Variants in AGBL4 observed in about 807,000 individuals in gnomAD.
The protein encoded by AGBL4 is cytosolic carboxypeptidase 6.
Under a neutral mutation model 66.4 loss-of-function variants are expected in AGBL4, and 58 were observed. The observed-to-expected ratio is 0.87, with a 90% CI of 0.71 to 1.09. The LOEUF is 1.09. AGBL4 is among the 50% of genes least tolerant of loss of function. The pLI is 0.00. For missense variants in AGBL4, 579 were observed against 631.0 expected, an observed-to-expected ratio of 0.92 and a Z score of 0.88; for synonymous variants, 234 against 222.9, an observed-to-expected ratio of 1.05 and a Z score of -0.44.
intron 1 of AGBL4, among the ~76,000 whole-genome samples, chr1:49,992,771 C>T (rs61785503): frequency 0.19 from 28,746 of 152,072 alleles, 3,322 homozygotes; most frequent in East Asian, 0.41. Context: ...AGCTCCCTTA[C>T]GTCATCCTAC....
intron 5 of AGBL4, among the ~76,000 whole-genome samples, chr1:48,970,984 T>C (rs1658856864): frequency 6.6e-6 from 1 of 152,130 alleles, no homozygotes. Flanking sequence ...GCATACTATA[T>C]ATCATTCCCA....
intron 1 of AGBL4, among the ~76,000 whole-genome samples, chr1:49,893,522 G>T (rs564382825): frequency 2.6e-5 from 4 of 152,120 alleles, no homozygotes; most frequent in African/African-American, 9.7e-5. Flanking sequence ...AGGCCTGGCC[G>T]CATTCACCAT....
At chr1:49,534,275 T>C (rs1296435399) in intron 3 of AGBL4, among the ~76,000 whole-genome samples, 2 of 148,770 alleles carry the variant, frequency 1.3e-5, no homozygotes, top group African/African-American at 5.0e-5. Flanking sequence ...GTTCTTTAAA[T>C]AGAAGTCAGT....
At chr1:49,578,404 C>G (rs1247576487) in intron 3 of AGBL4, among the ~76,000 whole-genome samples, 2 of 152,020 alleles carry the variant, frequency 1.3e-5, no homozygotes, top group Non-Finnish European at 2.9e-5. Context: ...GTCACTCCAC[C>G]AGGAAAAAAA....
At chr1:49,131,255 GA>G (rs1453171891) in intron 4 of AGBL4, among the ~76,000 whole-genome samples, 3 of 152,028 alleles carry the variant, frequency 2.0e-5, no homozygotes, top group Admixed American at 6.6e-5. Context: ...GAAGTTGACA[GA>G]AAAAAGGCAC....
At chr1:49,936,948 C>A (rs1013325936) in intron 1 of AGBL4, among the ~76,000 whole-genome samples, 13 of 152,122 alleles carry the variant, frequency 8.5e-5, no homozygotes, top group African/African-American at 3.1e-4. Context: ...GCAAAATAAC[C>A]AGCTAACATC....
At chr1:48,775,489 T>C (rs1645033912) in intron 6 of AGBL4, among the ~76,000 whole-genome samples, 1 of 152,128 alleles carries the variant, frequency 6.6e-6, no homozygotes, top group South Asian at 2.1e-4. Context: ...TCACTAACCC[T>C]TCGTGTTCTT....
chr1:48,777,169 G>A (rs1645143809), intron 6 of AGBL4, among the ~76,000 whole-genome samples: 1 of 152,134 alleles, frequency 6.6e-6, no homozygotes, highest in South Asian at 2.1e-4. Context: ...CAGAGATTCA[G>A]TTGCAATAAA....
At chr1:49,363,735 G>A (rs1644187223) in intron 3 of AGBL4, among the ~76,000 whole-genome samples, 1 of 152,104 alleles carries the variant, frequency 6.6e-6, no homozygotes, top group African/African-American at 2.4e-5. Flanking sequence ...TACAATGTTG[G>A]ATAGAACTCT....
At chr1:50,009,131 A>G (rs1661345085) in intron 1 of AGBL4, among the ~76,000 whole-genome samples, 1 of 152,194 alleles carries the variant, frequency 6.6e-6, no homozygotes, top group Non-Finnish European at 1.5e-5. Flanking sequence ...ATACTTCTAA[A>G]CTAATTCTAT....
rs564872524 is a variant in AGBL4 at position 49,345,391 on chromosome 1, T to G, written c.283-99527A>C. On this transcript the variant is annotated intron_variant, in intron 3 of 13. Coordinates refer to ENST00000371839, the MANE Select transcript of AGBL4 (RefSeq NM_032785.4). ...ACAGGCAACTGTTGTCTTGTTTTGATCATCTTTAAAGGGCAGTTTATAATC... is the reference window on the plus strand; with the variant it reads ...ACAGGCAACTGTTGTCTTGTTTTGAGCATCTTTAAAGGGCAGTTTATAATC... Among the ~76,000 whole-genome samples, 6 of 152,276 alleles carry G rather than the reference T, an allele frequency of 3.9e-5. No individual in the cohort carries two copies. In the South Asian group the frequency reaches 8.3e-4, roughly 21 times the overall value.
At chr1:48,881,962 C>A (rs1470145640) in intron 5 of AGBL4, among the ~76,000 whole-genome samples, 1 of 152,166 alleles carries the variant, frequency 6.6e-6, no homozygotes, top group African/African-American at 2.4e-5. Context: ...AAAAGGAGTT[C>A]TCCTGGCTGG....
chr1:49,363,945 G>A (rs997703813), intron 3 of AGBL4, among the ~76,000 whole-genome samples: 1 of 152,146 alleles, frequency 6.6e-6, no homozygotes, highest in African/African-American at 2.4e-5. Flanking sequence ...AAAAACACAG[G>A]GGGGCTGTGG....
intron 3 of AGBL4, among the ~76,000 whole-genome samples, chr1:49,594,939 T>A (rs544906777): frequency 4.1e-4 from 62 of 152,298 alleles, no homozygotes; most frequent in African/African-American, 1.4e-3. Flanking sequence ...CCTTGAGGAA[T>A]CACCACACTG....
At chr1:48,927,591 T>C (rs1654694874) in intron 5 of AGBL4, among the ~76,000 whole-genome samples, 1 of 152,114 alleles carries the variant, frequency 6.6e-6, no homozygotes, top group African/African-American at 2.4e-5. Context: ...CGAAAGAATA[T>C]GGAAGACAGG....
chr1:48,553,198 C>T (rs1402474075), intron 11 of AGBL4, among the ~76,000 whole-genome samples: 2 of 152,088 alleles, frequency 1.3e-5, no homozygotes, highest in Admixed American at 6.5e-5. Context: ...TGAAAATTGG[C>T]TCTTGGAATC....
At chr1:48,666,485 G>A (rs1371659313) in intron 6 of AGBL4, among the ~76,000 whole-genome samples, 1 of 152,214 alleles carries the variant, frequency 6.6e-6, no homozygotes, top group Non-Finnish European at 1.5e-5. Flanking sequence ...AACAGCAGGT[G>A]TTTGAAGTAA....
intron 7 of AGBL4, among the ~76,000 whole-genome samples, chr1:48,654,328 C>T (rs903607856): frequency 2.0e-5 from 3 of 152,146 alleles, no homozygotes; most frequent in Non-Finnish European, 4.4e-5. Flanking sequence ...TCCTGTCACT[C>T]CCTCTTTGAT....
At chr1:49,009,306 C>T (rs978640707) in intron 5 of AGBL4, among the ~76,000 whole-genome samples, 1 of 152,130 alleles carries the variant, frequency 6.6e-6, no homozygotes, top group Non-Finnish European at 1.5e-5. Flanking sequence ...TTGACACATA[C>T]ACCCTCCCAA....
Sources: gnomAD v4.1 joint callset for allele counts (sites outside exome capture counted in the v4.1 genomes callset) on GRCh38, gnomAD v4.1.1 for gene constraint, MANE v1.5 for transcripts, NCBI Gene and HGNC (gene_info 2026-07-23, HGNC 2026-07-21) for gene names.